Variants in ZNF605 observed in about 807,000 individuals in gnomAD.
ZNF605 encodes the protein zinc finger protein 605.
ZNF605 carries 9 observed loss-of-function variants against 7.9 expected under a neutral mutation model. The observed-to-expected ratio is 1.14, with a 90% CI of 0.68 to 1.98. ZNF605 has a LOEUF of 1.98. ZNF605 is among the 30% of genes most tolerant of loss of function. The pLI is 0.00. For missense variants in ZNF605, 673 were observed against 762.4 expected (o/e 0.88, Z 1.38); for synonymous variants, 255 against 260.1 (o/e 0.98, Z 0.19).
At chr12:132,954,845 G>C (rs1301239436) in intron 1 of ZNF605, among the ~76,000 whole-genome samples, 1 of 152,020 alleles carries the variant, frequency 6.6e-6, no homozygotes, top group Non-Finnish European at 1.5e-5. Flanking sequence ...CTCACAACTT[G>C]CAACAGGTCC....
intron 3 of ZNF605, among the ~76,000 whole-genome samples, chr12:132,938,715 C>CTGGAG (rs1331995840): frequency 1.3e-5 from 2 of 152,190 alleles, no homozygotes; most frequent in African/African-American, 4.8e-5. Flanking sequence ...CTGGCCAAGG[C>CTGGAG]TGGAGCCCAC....
Position 132,924,220 on chromosome 12 carries a change from G to A in ZNF605, c.*1153C>T, listed in dbSNP as rs7956834. On this transcript the variant is annotated 3_prime_UTR_variant, in exon 5 of 5. Transcript: ENST00000360187. ...TAACACATTAGTTTTTTTGGATGCC[G>A]GACACTGTAGGTCCAGAGTAGCTTT... The A allele has an allele frequency of 0.13, 20,247 of 151,994 alleles. 1,703 individuals carry two copies. Among genetic ancestry groups the A allele is most frequent in the Non-Finnish European group, 0.19 (12,685 of 67,966 alleles). 9.4% of individuals were successfully genotyped at this position (151,994 alleles called of 1,614,324 possible).
intron 1 of ZNF605, among the ~76,000 whole-genome samples, chr12:132,953,438 T>C (rs1318701456): frequency 6.6e-6 from 1 of 152,168 alleles, no homozygotes; most frequent in Non-Finnish European, 1.5e-5. Context: ...CTTATTATTA[T>C]CTTTTTTAAG....
chr12:132,947,877 T>C (rs1265971928), intron 2 of ZNF605, among the ~76,000 whole-genome samples: 1 of 151,924 alleles, frequency 6.6e-6, no homozygotes, highest in African/African-American at 2.4e-5. Flanking sequence ...TTTGGAGCCC[T>C]TAACCCCTCC....
chr12:132,954,027 G>A (rs931046568), intron 1 of ZNF605, among the ~76,000 whole-genome samples: 3 of 151,792 alleles, frequency 2.0e-5, no homozygotes, highest in African/African-American at 7.2e-5. Flanking sequence ...CCAATGCCAG[G>A]GCACGAGCCA....
At chr12:132,929,927 G>C (rs1952290163) in intron 4 of ZNF605, among the ~76,000 whole-genome samples, 1 of 152,218 alleles carries the variant, frequency 6.6e-6, no homozygotes, top group African/African-American at 2.4e-5. Flanking sequence ...CGTGCCAACA[G>C]AGCGAGACTC....
intron 4 of ZNF605, 29 bp from the exon 5 acceptor site, chr12:132,927,191 G>A: frequency 6.9e-7 from 1 of 1,454,728 alleles, no homozygotes; most frequent in Non-Finnish European, 9.1e-7. Context: ...GAACCATACT[G>A]TGTAATTCCT....
At chr12:132,951,797 C>T (rs1418456313) in intron 1 of ZNF605, among the ~76,000 whole-genome samples, 1 of 151,592 alleles carries the variant, frequency 6.6e-6, no homozygotes, top group Non-Finnish European at 1.5e-5. Flanking sequence ...TACACATGTA[C>T]ATCACACATC....
chr12:132,926,996 AC>A lies in ZNF605; in HGVS notation c.302del (p.Ser101IlefsTer2). ...TAAGCAAATCAAAAGGACATTTCAA[AC>A]TTTTTTCTCCTGTGCCACATTTATG... ...RSHKCGTGEK[S>X]LKCPFDLLIP... On this transcript the variant is annotated frameshift_variant, in exon 5 of 5. Transcript: ENST00000360187. LOFTEE classifies it low-confidence loss of function (END_TRUNC). 6.2e-7 allele frequency: 1 copy of A among 1,611,806 alleles called. No individual in the cohort carries two copies. Among genetic ancestry groups the A allele is most frequent in the Non-Finnish European group, 8.5e-7 (1 of 1,179,716 alleles).
intron 4 of ZNF605, among the ~76,000 whole-genome samples, chr12:132,930,141 C>G (rs1952293183): frequency 6.6e-6 from 1 of 152,204 alleles, no homozygotes; most frequent in African/African-American, 2.4e-5. Context: ...AGTGATCCTT[C>G]TGCCTCAATC....
At position 132,924,614 on chromosome 12, in the gene ZNF605, C is replaced by G. The variant is rs1952229738; in HGVS notation, c.*759G>C. 6.6e-6 allele frequency: 1 copy of G among 152,284 alleles called. No individual in the cohort carries two copies. Among genetic ancestry groups the G allele is most frequent in the Non-Finnish European group, 1.5e-5 (1 of 68,094 alleles). The allele number at this position is 152,284 out of a possible 1,614,324, so 9.4% of individuals were successfully genotyped here. On this transcript the variant is annotated 3_prime_UTR_variant, in exon 5 of 5. Coordinates refer to ENST00000360187, the MANE Select transcript of ZNF605 (RefSeq NM_183238.4). ...TTGTTTCCCTTCCCTGAACTGCAAC[C>G]TAGGAACTGCCATGCGGGGGCAGGC...
intron 2 of ZNF605, among the ~76,000 whole-genome samples, chr12:132,946,736 G>A (rs1173191821): frequency 6.6e-6 from 1 of 152,190 alleles, no homozygotes; most frequent in Admixed American, 6.5e-5. Flanking sequence ...AGTGGGGGCA[G>A]CTCACAGCTG....
intron 3 of ZNF605, among the ~76,000 whole-genome samples, chr12:132,940,043 A>G (rs1237748605): frequency 2.6e-5 from 4 of 152,236 alleles, no homozygotes; most frequent in African/African-American, 4.8e-5. Flanking sequence ...GAAGAGCTGT[A>G]ACACTCACCG....
intron 4 of ZNF605, chr12:132,932,610 C>A (rs1194112769): frequency 8.1e-6 from 6 of 743,524 alleles, no homozygotes; most frequent in Middle Eastern, 2.4e-4. Flanking sequence ...GATTCAGGAA[C>A]TTTAAACACA....
Position 132,923,519 on chromosome 12 carries a change from T to C in ZNF605, c.*1854A>G, listed in dbSNP as rs547628372. The C allele has an allele frequency of 6.6e-5, 10 of 152,360 alleles. No individual in the cohort carries two copies. The East Asian group carries it at 1.5e-3, about 23-fold the overall frequency. 9.4% of individuals were successfully genotyped at this position (152,360 alleles called of 1,614,324 possible). On this transcript the variant is annotated 3_prime_UTR_variant, in exon 5 of 5. Transcript: ENST00000360187. ...TAAGGAATTTAGAGATAATACTCCA[T>C]TGTCTTATAGCTTGCATAGTTCTCA... is the stretch of plus-strand genomic sequence containing the variant.
chr12:132,953,349 C>G (rs892350502), intron 1 of ZNF605, among the ~76,000 whole-genome samples: 2 of 152,194 alleles, frequency 1.3e-5, no homozygotes, highest in Non-Finnish European at 2.9e-5. Flanking sequence ...CCCACAACAG[C>G]CTCCAGAAAC....
Position 132,925,678 on chromosome 12 carries a change from C to T in ZNF605, c.1621G>A (p.Ala541Thr). 6.2e-7 allele frequency: 1 copy of T among 1,614,184 alleles called. No individual in the cohort carries two copies. Among genetic ancestry groups the T allele is most frequent in the South Asian group, 1.1e-5 (1 of 91,082 alleles). The change falls in exon 5 of 5, where the codon GCA becomes ACA. Residue 541 changes from alanine to threonine, a missense_variant. Ala to Thr is a moderately conservative substitution (Grantham distance 58, BLOSUM62 0). Transcript: ENST00000360187. ...KPYECSECGKAFVQKVQLIKH... is the reference protein window; with the variant it reads ...KPYECSECGKTFVQKVQLIKH... ...ATGAGCTGCACTTTCTGAACAAATG[C>T]TTTCCCACATTCACTGCATTCATAG...
At chr12:132,945,929 T>C in intron 2 of ZNF605, 132 bp from the exon 3 acceptor site, 1 of 582,004 alleles carries the variant, frequency 1.7e-6, no homozygotes, top group Non-Finnish European at 3.1e-6. Context: ...ACACCAGGGC[T>C]AGCGGGCGGG....
chr12:132,951,233 ACACT>A (rs1406447083), intron 1 of ZNF605, among the ~76,000 whole-genome samples: 6 of 151,844 alleles, frequency 4.0e-5, no homozygotes, highest in African/African-American at 1.5e-4. Flanking sequence ...CATCACACAT[ACACT>A]CAGACACGTA....
Sources: allele counts gnomAD v4.1 joint callset (sites outside exome capture counted in the v4.1 genomes callset), GRCh38; gene constraint gnomAD v4.1.1; transcripts MANE v1.5; gene names NCBI Gene and HGNC (gene_info 2026-07-23, HGNC 2026-07-21).